TRIM9: variants seen among roughly 807,000 people sequenced by gnomAD.
The protein encoded by TRIM9 is E3 ubiquitin-protein ligase TRIM9.
Under a neutral mutation model 78.3 loss-of-function variants are expected in TRIM9, and 26 were observed. The ratio of observed to expected loss-of-function variants is 0.33; its 90% confidence interval spans 0.24 to 0.46. The LOEUF (loss-of-function observed/expected upper bound fraction) is 0.46. Ranked by LOEUF, TRIM9 falls within the 20% of genes least tolerant of loss-of-function variation. TRIM9 has a pLI of 1.00. For missense variants in TRIM9, 787 were observed against 1,036.4 expected, an observed-to-expected ratio of 0.76 and a Z score of 3.30; for synonymous variants, 398 against 416.5, an observed-to-expected ratio of 0.96 and a Z score of 0.54.
At chr14:51,051,189 C>A (rs1488953997) in intron 1 of TRIM9, among the ~76,000 whole-genome samples, 1 of 152,142 alleles carries the variant, frequency 6.6e-6, no homozygotes, top group East Asian at 1.9e-4. Context: ...ATTATCATAC[C>A]CAGATAACTA....
Position 50,979,342 on chromosome 14 carries a change from C to A in TRIM9, c.2325+45G>T, listed in dbSNP as rs368392804. 1.4e-5 allele frequency: 22 copies of A among 1,614,118 alleles called. No individual in the cohort carries two copies. The African/African-American group carries it at 2.4e-4, about 18-fold the overall frequency. ...GAACGGCCCTGGGCAGCCTTTGAACCGGTAGCCAGCAACAGCTGTTTAACC... is the reference window on the plus strand; with the variant it reads ...GAACGGCCCTGGGCAGCCTTTGAACAGGTAGCCAGCAACAGCTGTTTAACC... On this transcript the variant is annotated intron_variant, in intron 12 of 12. Coordinates refer to ENST00000684578, the MANE Select transcript of TRIM9 (RefSeq NM_001387360.1).
At chr14:51,089,387 G>A (rs1427972061) in intron 1 of TRIM9, 1 of 152,184 alleles carries the variant, frequency 6.6e-6, no homozygotes, top group Non-Finnish European at 1.5e-5. Flanking sequence ...TGAGGAAAGT[G>A]CAATTTATCA....
intron 1 of TRIM9, among the ~76,000 whole-genome samples, chr14:51,076,205 G>T (rs147710085): frequency 6.6e-6 from 1 of 152,314 alleles, no homozygotes; most frequent in Non-Finnish European, 1.5e-5. Context: ...ACACTCAAGA[G>T]GAAGAAGTTG....
chr14:51,082,493 G>T (rs576877775), intron 1 of TRIM9, among the ~76,000 whole-genome samples: 1 of 152,134 alleles, frequency 6.6e-6, no homozygotes, highest in African/African-American at 2.4e-5. Context: ...AACATTATGC[G>T]AAGTAAAAGA....
At chr14:51,081,891 C>T (rs924440272) in intron 1 of TRIM9, among the ~76,000 whole-genome samples, 6 of 152,192 alleles carry the variant, frequency 3.9e-5, no homozygotes, top group Non-Finnish European at 7.3e-5. Flanking sequence ...AGCACCTCCA[C>T]GTGTTCTCTA....
At chr14:51,014,142 C>A (rs1040877639) in intron 3 of TRIM9, among the ~76,000 whole-genome samples, 1 of 152,168 alleles carries the variant, frequency 6.6e-6, no homozygotes, top group Non-Finnish European at 1.5e-5. Flanking sequence ...GGATTCAGTT[C>A]AATGATGCAT....
At chr14:51,019,258 GAGTT>G (rs1317308556) in intron 3 of TRIM9, among the ~76,000 whole-genome samples, 2 of 152,176 alleles carry the variant, frequency 1.3e-5, no homozygotes, top group African/African-American at 2.4e-5. Context: ...TTCCAAATAT[GAGTT>G]AGTAATATTT....
intron 1 of TRIM9, among the ~76,000 whole-genome samples, chr14:51,085,335 G>A (rs942699547): frequency 6.6e-6 from 1 of 152,160 alleles, no homozygotes; most frequent in African/African-American, 2.4e-5. Context: ...ATAATGTTTA[G>A]CATTCTATTT....
intron 1 of TRIM9, among the ~76,000 whole-genome samples, chr14:51,046,470 C>T (rs562917559): frequency 5.9e-5 from 9 of 152,208 alleles, no homozygotes; most frequent in South Asian, 4.2e-4. Flanking sequence ...GGAAAAGTGT[C>T]GAAGGGATTT....
chr14:51,085,088 C>A (rs1040046401), intron 1 of TRIM9, among the ~76,000 whole-genome samples: 3 of 152,204 alleles, frequency 2.0e-5, no homozygotes, highest in Non-Finnish European at 4.4e-5. Context: ...CAGTGTTATT[C>A]TCTCAGGCTC....
intron 8 of TRIM9, among the ~76,000 whole-genome samples, chr14:50,984,106 C>A (rs1032242658): frequency 6.6e-6 from 1 of 152,044 alleles, no homozygotes; most frequent in African/African-American, 2.4e-5. Flanking sequence ...TACCTGTACC[C>A]CATGAGAAAT....
At chr14:51,047,811 AC>A (rs557265715) in intron 1 of TRIM9, among the ~76,000 whole-genome samples, 91 of 152,350 alleles carry the variant, frequency 6.0e-4, no homozygotes, top group African/African-American at 2.0e-3. Context: ...ACTTTTAAAC[AC>A]AAATTTATAC....
intron 1 of TRIM9, among the ~76,000 whole-genome samples, chr14:51,070,911 T>C (rs533032392): frequency 4.6e-5 from 7 of 152,336 alleles, no homozygotes; most frequent in East Asian, 1.9e-4. Flanking sequence ...TTCTTTCTTT[T>C]TTTGGTGGAG....
chr14:51,000,568 C>T (rs2139514935), intron 6 of TRIM9, 115 bp downstream of exon 6: 2 of 1,424,688 alleles, frequency 1.4e-6, no homozygotes, highest in East Asian at 4.8e-5. Flanking sequence ...GCAGGCCCTG[C>T]CAGGATGGCC....
chr14:51,052,923 G>A (rs1596274641), intron 1 of TRIM9, among the ~76,000 whole-genome samples: 1 of 152,146 alleles, frequency 6.6e-6, no homozygotes, highest in African/African-American at 2.4e-5. Flanking sequence ...TTGGGAGGCT[G>A]CGGTGGGCAG....
At chr14:51,006,432 G>C (rs1356971949) in intron 5 of TRIM9, among the ~76,000 whole-genome samples, 1 of 152,150 alleles carries the variant, frequency 6.6e-6, no homozygotes, top group African/African-American at 2.4e-5. Context: ...AGATATTACA[G>C]AGGCCAATAG....
chr14:50,992,035 C>A (rs923682874), intron 7 of TRIM9, among the ~76,000 whole-genome samples: 7 of 152,130 alleles, frequency 4.6e-5, no homozygotes, highest in Non-Finnish European at 8.8e-5. Flanking sequence ...CCTAATAAAC[C>A]CTAACTGTGT....
intron 3 of TRIM9, 137 bp from the exon 4 acceptor site, chr14:51,010,631 C>T (rs2056449697): frequency 1.6e-6 from 1 of 638,636 alleles, no homozygotes; most frequent in Non-Finnish European, 2.7e-6. Context: ...AGAATATTTT[C>T]TGGCAGTGTC....
At chr14:50,982,703 A>G (rs1011549956) in intron 10 of TRIM9, 5 of 498,286 alleles carry the variant, frequency 1.0e-5, no homozygotes, top group Non-Finnish European at 1.1e-5. Context: ...CTTAAAAAAC[A>G]CAGTTTGCGT....
Sources: gnomAD v4.1 joint callset for allele counts (sites outside exome capture counted in the v4.1 genomes callset) on GRCh38, gnomAD v4.1.1 for gene constraint, MANE v1.5 for transcripts, NCBI Gene and HGNC (gene_info 2026-07-23, HGNC 2026-07-21) for gene names.